Variants in COL23A1 observed in about 807,000 individuals in gnomAD.
COL23A1 encodes collagen type XXIII alpha 1 chain, also known as collagen alpha-1(XXIII) chain.
COL23A1 carries 97 observed loss-of-function variants against 99.3 expected under a neutral mutation model. The ratio of observed to expected loss-of-function variants is 0.98; its 90% CI spans 0.83 to 1.16. The LOEUF (loss-of-function observed/expected upper bound fraction) is 1.16. COL23A1 is among the 50% of genes most tolerant of loss of function. COL23A1 has a pLI of 0.00. For synonymous variants in COL23A1, 320 were observed against 308.2 expected (o/e 1.04, Z -0.40); for missense variants, 762 against 757.4 (o/e 1.01, Z -0.07).
intron 2 of COL23A1, among the ~76,000 whole-genome samples, chr5:178,341,189 C>G (rs550184270): frequency 6.6e-6 from 1 of 152,180 alleles, no homozygotes; most frequent in Admixed American, 6.5e-5. Flanking sequence ...CACAGTAGTG[C>G]GATGAGCTCA....
intron 2 of COL23A1, among the ~76,000 whole-genome samples, chr5:178,551,610 T>C (rs1243999656): frequency 1.3e-5 from 2 of 152,176 alleles, no homozygotes; most frequent in African/African-American, 4.8e-5. Flanking sequence ...GTCCACCACA[T>C]GACCCAGTGC....
In COL23A1 at chr5:178,404,243, C is replaced by T. The variant is rs148216927; in HGVS notation, c.362-97324G>A. On this transcript the variant is annotated intron_variant, in intron 2 of 28. Transcript: ENST00000390654. ...TGCCCATCACAAGGAGTGGCCACAC[C>T]TTAGTAATGTGCTCAATCGCAATCA... Among the ~76,000 whole-genome samples the T allele has an allele frequency of 3.3e-5, 5 of 152,306 alleles. No homozygotes were observed. The South Asian group carries it at 6.2e-4, about 19-fold the overall frequency.
intron 2 of COL23A1, among the ~76,000 whole-genome samples, chr5:178,485,210 C>G (rs1442727710): frequency 6.6e-6 from 1 of 151,964 alleles, no homozygotes; most frequent in South Asian, 2.1e-4. Context: ...TGGTGGCTCA[C>G]GCCTGTAATC....
rs1377187569 is a variant in COL23A1, at chr5:178,428,199, C to T, written c.362-121280G>A. Among the ~76,000 whole-genome samples, 3 of 152,218 alleles carry T rather than the reference C, an allele frequency of 2.0e-5. No individual in the cohort carries two copies. The highest frequency in any genetic ancestry group is 4.4e-5 in the Non-Finnish European group (3 of 68,030). On this transcript the variant is annotated intron_variant, in intron 2 of 28. Transcript: ENST00000390654. The surrounding 1 kb of genome is among the most constrained non-coding windows in gnomAD (Gnocchi z 5.0). ...AATCCAAAGTCCTGAGCAATCGTGT[C>T]CCCTTAGGTGACCAAGCCTTCTGCT...
intron 2 of COL23A1, among the ~76,000 whole-genome samples, chr5:178,547,795 A>C (rs1581612956): frequency 1.1e-4 from 1 of 8,946 alleles, no homozygotes; most frequent in Admixed American, 1.7e-3. Context: ...CCCCCCACAC[A>C]CACTGACACA....
intron 2 of COL23A1, among the ~76,000 whole-genome samples, chr5:178,346,595 G>T (rs1256438503): frequency 6.6e-6 from 1 of 152,150 alleles, no homozygotes; most frequent in Non-Finnish European, 1.5e-5. Flanking sequence ...ATACATACAT[G>T]CATGTTTCTA....
At chr5:178,586,948 G>A (rs928567373) in intron 1 of COL23A1, among the ~76,000 whole-genome samples, 2 of 152,168 alleles carry the variant, frequency 1.3e-5, no homozygotes, top group African/African-American at 4.8e-5. Context: ...GGCTTTTCTT[G>A]TTTTCAAACT....
chr5:178,434,866 G>A lies in COL23A1; in HGVS notation c.361+125816C>T, dbSNP rs1480641434. Among the ~76,000 whole-genome samples the A allele has an allele frequency of 6.6e-6, 1 of 152,226 alleles. No individual in the cohort carries two copies. The highest frequency in any genetic ancestry group is 1.5e-5 in the Non-Finnish European group (1 of 68,042). On this transcript the variant is annotated intron_variant, in intron 2 of 28. Transcript: ENST00000390654. The surrounding 1 kb of genome is among the most constrained non-coding windows in gnomAD (Gnocchi z 4.3). Reference sequence around the variant, plus strand: ...GTTTCAAAGCCTCTGCCCGCTGCAGGAAGGCAGGCATCCACTTCTGAACCC... The same window carrying A: ...GTTTCAAAGCCTCTGCCCGCTGCAGAAAGGCAGGCATCCACTTCTGAACCC...
intron 2 of COL23A1, among the ~76,000 whole-genome samples, chr5:178,374,203 T>C (rs1031056556): frequency 4.6e-5 from 7 of 152,186 alleles, no homozygotes; most frequent in Non-Finnish European, 1.0e-4. Context: ...GCATGGCTGA[T>C]GCTCCGTGAT....
intron 2 of COL23A1, among the ~76,000 whole-genome samples, chr5:178,453,644 T>A (rs1264116502): frequency 6.6e-6 from 1 of 152,190 alleles, no homozygotes; most frequent in Non-Finnish European, 1.5e-5. Flanking sequence ...TAGACTTCTG[T>A]GGATTCAATT....
chr5:178,457,088 G>A (rs1370796714), intron 2 of COL23A1, among the ~76,000 whole-genome samples: 1 of 152,124 alleles, frequency 6.6e-6, no homozygotes, highest in Non-Finnish European at 1.5e-5. Flanking sequence ...AAAAGGTGTG[G>A]GCCACGTGTC....
chr5:178,317,196 A>T (rs1197198231), intron 2 of COL23A1, among the ~76,000 whole-genome samples: 3 of 152,158 alleles, frequency 2.0e-5, no homozygotes, highest in African/African-American at 7.2e-5. Flanking sequence ...CTTTCTATTT[A>T]TTTAAATCCT....
At chr5:178,556,667 A>AAAATAAAAT (rs1367642868) in intron 2 of COL23A1, among the ~76,000 whole-genome samples, 2 of 150,734 alleles carry the variant, frequency 1.3e-5, no homozygotes, top group African/African-American at 4.9e-5. Flanking sequence ...AAAATAAAAT[A>AAAATAAAAT]AAAAAGCTGA....
chr5:178,433,094 A>T (rs1766352673), intron 2 of COL23A1, among the ~76,000 whole-genome samples: 2 of 151,966 alleles, frequency 1.3e-5, no homozygotes, highest in Admixed American at 6.6e-5. Flanking sequence ...ACCAACCAGA[A>T]GTCCCACAGT....
chr5:178,540,884 G>A (rs1223923091), intron 2 of COL23A1, among the ~76,000 whole-genome samples: 4 of 152,146 alleles, frequency 2.6e-5, no homozygotes, highest in African/African-American at 7.2e-5. Context: ...CCATGTTCAC[G>A]TCTCTGAACT....
intron 1 of COL23A1, among the ~76,000 whole-genome samples, chr5:178,566,625 G>A (rs1419488867): frequency 6.6e-6 from 1 of 152,056 alleles, no homozygotes; most frequent in African/African-American, 2.4e-5. Flanking sequence ...AGACCAGCCT[G>A]GCCAACATGA....
chr5:178,370,085 C>T (rs113078183), intron 2 of COL23A1, among the ~76,000 whole-genome samples: 89 of 152,292 alleles, frequency 5.8e-4, no homozygotes, highest in African/African-American at 2.1e-3. Flanking sequence ...AAGGCCAGCA[C>T]CAAATTCATG....
At chr5:178,568,570 A>G (rs115918181) in intron 1 of COL23A1, among the ~76,000 whole-genome samples, 136 of 152,282 alleles carry the variant, frequency 8.9e-4, no homozygotes, top group African/African-American at 3.2e-3. Flanking sequence ...CATCACCCCA[A>G]AAGGAACTCC....
chr5:178,420,434 CG>C (rs1561956027), intron 2 of COL23A1, among the ~76,000 whole-genome samples: 8 of 76,400 alleles, frequency 1.0e-4, no homozygotes, highest in South Asian at 6.7e-4. Flanking sequence ...TCCCCTCCCC[CG>C]CTCTTTCCTC....
Sources: allele counts gnomAD v4.1 joint callset (sites outside exome capture counted in the v4.1 genomes callset), GRCh38; gene constraint gnomAD v4.1.1; non-coding constraint Gnocchi (gnomAD v3.1); transcripts MANE v1.5; gene names NCBI Gene and HGNC (gene_info 2026-07-23, HGNC 2026-07-21).